TMEM94: variants seen among roughly 807,000 people sequenced by gnomAD.
The protein encoded by TMEM94 is transmembrane protein 94, also known as ER Mg2+ ATPase.
Under a neutral mutation model 158.6 loss-of-function variants are expected in TMEM94, and 81 were observed. That is an observed-to-expected ratio of 0.51 (90% confidence interval 0.43 to 0.61). The LOEUF (loss-of-function observed/expected upper bound fraction) is 0.61. TMEM94 is among the 20% of genes least tolerant of loss of function. TMEM94 has a pLI of 0.00. For missense variants in TMEM94, 1,435 were observed against 1,762.0 expected (o/e 0.81, Z 3.32); for synonymous variants, 751 against 730.7 (o/e 1.03, Z -0.45).
chr17:75,499,300 T>C lies in TMEM94; in HGVS notation c.4037T>C (p.Phe1346Ser), dbSNP rs2053085813. 1 of 1,613,764 alleles carries C rather than the reference T, an allele frequency of 6.2e-7. No homozygotes were observed. Among genetic ancestry groups the C allele is most frequent in the Non-Finnish European group, 8.5e-7 (1 of 1,179,982 alleles). Residue 1346 changes from phenylalanine to serine, a missense_variant, in exon 32 of 32, where the codon TTT becomes TCT. By Grantham distance (155) the Phe-to-Ser change is radical. Transcript: ENST00000314256. Reference protein sequence around the residue: ...VRYQKRQKLQFETKLGMNSPF With the variant: ...VRYQKRQKLQSETKLGMNSPF ...TACCAGAAGCGACAGAAGCTGCAGT[T>C]TGAAACTAAGCTGGGCATGAACTCT...
intron 2 of TMEM94, chr17:75,476,572 T>A: frequency 6.8e-7 from 1 of 1,480,576 alleles, no homozygotes; most frequent in Non-Finnish European, 8.9e-7. Context: ...GCTCACACAC[T>A]CTCAGCTGTC....
Position 75,491,232 on chromosome 17 carries a change from C to T in TMEM94, c.1234-71C>T, listed in dbSNP as rs1440072483. ...GGCTGGGCCTGGGCTGCCCACCTGC[C>T]GCTTGAGTGGCCCCTGGGCAGGATA... On this transcript the variant is annotated intron_variant, in intron 12 of 31. Coordinates refer to ENST00000314256, the MANE Select transcript of TMEM94 (RefSeq NM_014738.6). This position sits in a 1 kb window ranked among gnomAD's most constrained non-coding sequence, Gnocchi z 5.1. The T allele has an allele frequency of 1.9e-5, 30 of 1,595,706 alleles. 1 individual carries two copies. Among genetic ancestry groups the T allele is most frequent in the Middle Eastern group, 1.7e-4 (1 of 5,954 alleles).
At chr17:75,473,200 A>G (rs1295357205) in intron 2 of TMEM94, among the ~76,000 whole-genome samples, 3 of 152,224 alleles carry the variant, frequency 2.0e-5, no homozygotes, top group South Asian at 4.1e-4. Context: ...CAGGCTTCCT[A>G]TGTCTCTGGA....
In TMEM94 at chr17:75,489,226, C is replaced by T. The variant is rs1202296351; in HGVS notation, c.765-40C>T. The T allele has an allele frequency of 3.1e-6, 5 of 1,589,476 alleles. No homozygotes were observed. The highest frequency in any genetic ancestry group is 3.5e-6 in the Non-Finnish European group (4 of 1,157,702). On this transcript the variant is annotated intron_variant, in intron 7 of 31. Coordinates refer to ENST00000314256, the MANE Select transcript of TMEM94 (RefSeq NM_014738.6). The surrounding 1 kb of genome is among the most constrained non-coding windows in gnomAD (Gnocchi z 5.0). ...TCCTCCCAAGGTGTAGGTTTCTAGC[C>T]TCTCTGCCAAGTGAGACTGACAGTC...
intron 25 of TMEM94, 74 bp downstream of exon 25, chr17:75,496,881 GGAA>G: frequency 1.3e-6 from 2 of 1,497,872 alleles, no homozygotes; most frequent in South Asian, 2.3e-5. Context: ...GAAAATCTGA[GGAA>G]GGAGGCTGGG....
rs890136063 is a variant in TMEM94, at chr17:75,493,222, A to G, written c.2086+120A>G. On this transcript the variant is annotated intron_variant, in intron 16 of 31. Coordinates refer to ENST00000314256, the MANE Select transcript of TMEM94 (RefSeq NM_014738.6). ...GGCAGATGAAAAGTAGACTGCTTCC[A>G]AGTGTTCCACTCTGGCAGGGCTGGA... The G allele has an allele frequency of 8.8e-6, 10 of 1,130,694 alleles. No individual in the cohort carries two copies. In the African/African-American group the frequency reaches 1.4e-4, roughly 16 times the overall value. The allele number at this position is 1,130,694 out of a possible 1,614,324, so 70.0% of individuals were successfully genotyped here.
At position 75,489,225 on chromosome 17, in the gene TMEM94, C is replaced by A; in HGVS notation, c.765-41C>A. On this transcript the variant is annotated intron_variant, in intron 7 of 31. Transcript: ENST00000314256. This position sits in a 1 kb window ranked among gnomAD's most constrained non-coding sequence, Gnocchi z 5.0. ...ATCCTCCCAAGGTGTAGGTTTCTAGCCTCTCTGCCAAGTGAGACTGACAGT... is the reference window on the plus strand; with the variant it reads ...ATCCTCCCAAGGTGTAGGTTTCTAGACTCTCTGCCAAGTGAGACTGACAGT... 1 of 1,583,376 alleles carries A rather than the reference C, an allele frequency of 6.3e-7. No homozygotes were observed. The highest frequency in any genetic ancestry group is 8.7e-7 in the Non-Finnish European group (1 of 1,152,280).
rs147066895 is a variant in TMEM94 at position 75,493,988 on chromosome 17, G to T, written c.2407+72G>T. The T allele has an allele frequency of 2.6e-5, 39 of 1,488,894 alleles. No homozygotes were observed. The African/African-American group carries it at 5.3e-4, about 20-fold the overall frequency. The allele number at this position is 1,488,894 out of a possible 1,614,324, so 92.2% of individuals were successfully genotyped here. A position where few individuals can be genotyped will look rare whatever the true frequency, so the allele number is the denominator to read the frequency against. The stretch of plus-strand genomic sequence containing the variant: ...GGCTGCCGAAGCCCAGGAGCAGGGA[G>T]GGCGTCTGGAGGGCCCCGGCACCCC... On this transcript the variant is annotated intron_variant, in intron 18 of 31. Coordinates refer to ENST00000314256, the MANE Select transcript of TMEM94 (RefSeq NM_014738.6).
chr17:75,474,518 G>A (rs899069021), intron 2 of TMEM94, among the ~76,000 whole-genome samples: 15 of 152,128 alleles, frequency 9.9e-5, no homozygotes, highest in African/African-American at 3.1e-4. Context: ...GTGCATGCCT[G>A]TAATCCCAGC....
intron 1 of TMEM94, among the ~76,000 whole-genome samples, chr17:75,466,819 T>C (rs2050322311): frequency 6.6e-6 from 1 of 151,690 alleles, no homozygotes; most frequent in Non-Finnish European, 1.5e-5. Context: ...AAAAAAAAAA[T>C]TGTATTAAAT....
chr17:75,484,422 A>T (rs2051420116), intron 2 of TMEM94, among the ~76,000 whole-genome samples: 1 of 151,328 alleles, frequency 6.6e-6, no homozygotes, highest in Non-Finnish European at 1.5e-5. Flanking sequence ...TTTTTGAGAC[A>T]GGGTCTCATT....
chr17:75,485,524 C>T lies in TMEM94; in HGVS notation c.121C>T (p.Arg41Trp), dbSNP rs772805227. Residue 41 changes from arginine (R) to tryptophan (W), a missense_variant, in exon 3 of 32, where the codon CGG becomes TGG. Physicochemically the swap from Arg to Trp is moderately radical, Grantham distance 101. Around this residue, in one of 3 missense-constraint regions of TMEM94, gnomAD observed 1,051 missense variants for 1,254.4 expected, o/e 0.84. Transcript: ENST00000314256. The surrounding 1 kb of genome is among the most constrained non-coding windows in gnomAD (Gnocchi z 5.5). ...AGTGCTGGAAGGACATCTCAGGGAG[C>T]GGAAGAAGTGTCTGACGTGGAAGGT... The part of the protein sequence containing the change: ...EAVLEGHLRE[R>W]KKCLTWKEVW... 8 of 1,614,092 alleles carry T rather than the reference C, an allele frequency of 5.0e-6. No homozygotes were observed. The highest frequency in any genetic ancestry group is 3.3e-5 in the South Asian group (3 of 91,068).
chr17:75,476,643 T>C, intron 2 of TMEM94: 1 of 1,533,124 alleles, frequency 6.5e-7, no homozygotes, highest in Non-Finnish European at 8.7e-7. Flanking sequence ...TTGAGGGAGG[T>C]GTTGGAAGTT....
Position 75,492,042 on chromosome 17 carries a change from C to T in TMEM94, c.1596+142C>T. On this transcript the variant is annotated intron_variant, in intron 14 of 31. Coordinates refer to ENST00000314256, the MANE Select transcript of TMEM94 (RefSeq NM_014738.6). The surrounding 1 kb of genome is among the most constrained non-coding windows in gnomAD (Gnocchi z 4.4). The stretch of plus-strand genomic sequence containing the variant: ...AGCACCTCCAGGCTAGGCCAGTGGT[C>T]CCTGAGGCCCTCCCCAAGTCTGCTG... The T allele has an allele frequency of 1.1e-6, 1 of 882,780 alleles. No homozygotes were observed. Among genetic ancestry groups the T allele is most frequent in the African/African-American group, 1.7e-5 (1 of 59,018 alleles). The allele number at this position is 882,780 out of a possible 1,614,324, so 54.7% of individuals were successfully genotyped here. A position where few individuals can be genotyped will look rare whatever the true frequency, so the allele number is the denominator to read the frequency against.
rs762829784 is a variant in TMEM94, at chr17:75,492,933, C to T, written c.1917C>T (p.Phe639=). 1 of 1,611,866 alleles carries T rather than the reference C, an allele frequency of 6.2e-7. No homozygotes were observed. The highest frequency in any genetic ancestry group is 8.5e-7 in the Non-Finnish European group (1 of 1,178,726). ...GLCELARLIG[F]TPGAKELFKQ... Reference sequence around the variant, plus strand: ...TTCCTGTTCCCCGCCCTGCAGGCTTCACTCCTGGGGCCAAGGAGCTTTTCA... The same window carrying T: ...TTCCTGTTCCCCGCCCTGCAGGCTTTACTCCTGGGGCCAAGGAGCTTTTCA... The change falls in exon 16 of 32, where the codon TTC becomes TTT. Residue 639 remains phenylalanine (F), a synonymous_variant. Coordinates refer to ENST00000314256, the MANE Select transcript of TMEM94 (RefSeq NM_014738.6). The surrounding 1 kb of genome is among the most constrained non-coding windows in gnomAD (Gnocchi z 4.4).
Position 75,494,706 on chromosome 17 carries a change from C to T in TMEM94, c.2487C>T (p.Ser829=). The part of the protein sequence containing the change: ...SGQIFMGMVS[S]QYQARLDIVR... ...AGATCTTCATGGGCATGGTGTCCTCCCAGTACCAGGCCCGGCTGGACATCG... is the reference window on the plus strand; with the variant it reads ...AGATCTTCATGGGCATGGTGTCCTCTCAGTACCAGGCCCGGCTGGACATCG... The change falls in exon 19 of 32, where the codon TCC becomes TCT. Residue 829 remains serine, a synonymous_variant. Transcript: ENST00000314256. The T allele has an allele frequency of 6.2e-7, 1 of 1,613,732 alleles. No individual in the cohort carries two copies.
At chr17:75,493,160 G>A (rs1738929480) in intron 16 of TMEM94, 58 bp downstream of exon 16, 2 of 1,543,746 alleles carry the variant, frequency 1.3e-6, no homozygotes, top group Non-Finnish European at 1.8e-6. Context: ...TTGGCAGGGG[G>A]GCTCTGCCCA....
chr17:75,465,651 A>AT (rs34178189), intron 1 of TMEM94, among the ~76,000 whole-genome samples: 2 of 119,892 alleles, frequency 1.7e-5, no homozygotes, highest in African/African-American at 4.4e-5. Context: ...AGCTATAAGA[A>AT]TTTTTATATA....
In TMEM94 at chr17:75,486,415, AC is replaced by A; in HGVS notation, c.400del (p.Gln134LysfsTer55). ...EVERRLRGII[D>X]QIQDALRDGR... ...GAGCGGAGGCTGCGAGGGATCATTGACCAAATCCAAGGTGAGGTCAAGGGCA... is the reference window on the plus strand; with the variant it reads ...GAGCGGAGGCTGCGAGGGATCATTGACAAATCCAAGGTGAGGTCAAGGGCA... On this transcript the variant is annotated frameshift_variant, in exon 5 of 32. Transcript: ENST00000314256. LOFTEE classifies it high-confidence loss of function. The A allele has an allele frequency of 6.2e-7, 1 of 1,614,192 alleles. No individual in the cohort carries two copies. The highest frequency in any genetic ancestry group is 1.6e-4 in the Middle Eastern group (1 of 6,062).
Sources: gnomAD v4.1 joint callset for allele counts (sites outside exome capture counted in the v4.1 genomes callset) on GRCh38, gnomAD v4.1.1 for gene constraint, gnomAD v4.1.1 regional missense constraint, Gnocchi (gnomAD v3.1) non-coding constraint, MANE v1.5 for transcripts, NCBI Gene and HGNC (gene_info 2026-07-23, HGNC 2026-07-21) for gene names.